Variants in RNF123 observed in about 807,000 individuals in gnomAD.
RNF123 encodes E3 ubiquitin-protein ligase RNF123.
Under a neutral mutation model 168.5 loss-of-function variants are expected in RNF123, and 86 were observed. The ratio of observed to expected loss-of-function variants is 0.51; its 90% CI spans 0.43 to 0.61. The LOEUF is 0.61. Among genes scored for constraint, RNF123 ranks in the 20% least tolerant of loss-of-function variants. RNF123 has a pLI of 0.00. For missense variants in RNF123, 1,419 were observed against 1,729.7 expected (o/e 0.82, Z 3.19); for synonymous variants, 666 against 689.1 (o/e 0.97, Z 0.52).
At position 49,714,016 on chromosome 3, in the gene RNF123, GA is replaced by G. The variant is rs1184181424; in HGVS notation, c.2925+21del. On this transcript the variant is annotated intron_variant, in intron 30 of 38. Transcript: ENST00000327697. ...CTGGAGGGTAAGCCTGACTCGAGGG[GA>G]AGTGGCTGAGGCTGGCTGGAGGGAG... 7 of 1,613,898 alleles carry G rather than the reference GA, an allele frequency of 4.3e-6. No homozygotes were observed. The highest frequency in any genetic ancestry group is 1.7e-5 in the Admixed American group (1 of 60,008).
At chr3:49,712,100 C>T (rs1467725642) in intron 26 of RNF123, among the ~76,000 whole-genome samples, 1 of 152,060 alleles carries the variant, frequency 6.6e-6, no homozygotes, top group Non-Finnish European at 1.5e-5. Context: ...TATCACATAC[C>T]TGTAGTCCCA....
rs1443968558 is a variant in RNF123 at position 49,702,615 on chromosome 3, C to T, written c.1630-18C>T. ...ACTGGACTGGCACCAATGCATGTTT[C>T]ATGCCTGGTGTCCACAGAACATGCC... is the stretch of plus-strand genomic sequence containing the variant. On this transcript the variant is annotated intron_variant, in intron 19 of 38. Transcript: ENST00000327697. The T allele has an allele frequency of 6.2e-7, 1 of 1,614,220 alleles. No homozygotes were observed. Among genetic ancestry groups the T allele is most frequent in the South Asian group, 1.1e-5 (1 of 91,082 alleles).
intron 35 of RNF123, chr3:49,718,992 C>G: frequency 1.2e-6 from 2 of 1,613,782 alleles, no homozygotes; most frequent in Non-Finnish European, 1.7e-6. Flanking sequence ...GATGGCTGAG[C>G]GCGCGCAGGC....
Position 49,705,852 on chromosome 3 carries a change from T to C in RNF123, c.2305-130T>C, listed in dbSNP as rs893056097. Reference sequence around the variant, plus strand: ...TGCTGCCTCAGTCTGACCTGCTGACTGTTGTGGGAATGGGACCGCCCTGGG... The same window carrying C: ...TGCTGCCTCAGTCTGACCTGCTGACCGTTGTGGGAATGGGACCGCCCTGGG... On this transcript the variant is annotated intron_variant, in intron 24 of 38. Coordinates refer to ENST00000327697, the MANE Select transcript of RNF123 (RefSeq NM_022064.5). 3.5e-6 allele frequency: 5 copies of C among 1,428,764 alleles called. No homozygotes were observed. The Admixed American group carries it at 9.0e-5, about 26-fold the overall frequency. The allele number at this position is 1,428,764 out of a possible 1,614,324, so 88.5% of individuals were successfully genotyped here.
intron 15 of RNF123, among the ~76,000 whole-genome samples, chr3:49,701,277 C>T (rs1487576110): frequency 1.3e-5 from 2 of 152,372 alleles, no homozygotes; most frequent in East Asian, 3.9e-4. Flanking sequence ...AAGCCCTTAT[C>T]GTGCACCTGC....
Position 49,697,871 on chromosome 3 carries a change from T to G in RNF123, c.343-14T>G, listed in dbSNP as rs749461694. The G allele has an allele frequency of 6.2e-6, 10 of 1,613,968 alleles. No individual in the cohort carries two copies. In the East Asian group the frequency reaches 6.7e-5, roughly 11 times the overall value. On this transcript the variant is annotated splice_polypyrimidine_tract_variant and intron_variant, in intron 5 of 38. Transcript: ENST00000327697. ...TGCCTGGGAGCTAGCCCACCACCCC[T>G]CTTCTTCACCCAGGTGATTGGACAC...
chr3:49,718,513 A>C, intron 35 of RNF123: 1 of 1,613,114 alleles, frequency 6.2e-7, no homozygotes, highest in Non-Finnish European at 8.5e-7. Flanking sequence ...CGCCCTGAGA[A>C]GCTCCTGCTG....
chr3:49,693,863 A>G (rs2054217063), intron 3 of RNF123, among the ~76,000 whole-genome samples: 1 of 152,176 alleles, frequency 6.6e-6, no homozygotes, highest in African/African-American at 2.4e-5. Context: ...GTGACGTTGA[A>G]TGCCTTTCCA....
intron 15 of RNF123, among the ~76,000 whole-genome samples, chr3:49,701,201 TG>T (rs2054374729): frequency 2.0e-5 from 3 of 152,182 alleles, no homozygotes; most frequent in Non-Finnish European, 4.4e-5. Flanking sequence ...AGGTCAGAGT[TG>T]GGGCCTGAGA....
chr3:49,706,001 A>C lies in RNF123; in HGVS notation c.2324A>C (p.Asp775Ala), dbSNP rs752801366. 1.2e-6 allele frequency: 2 copies of C among 1,611,492 alleles called. No individual in the cohort carries two copies. The highest frequency in any genetic ancestry group is 1.7e-6 in the Non-Finnish European group (2 of 1,179,050). The change falls in exon 25 of 39, where the codon GAT becomes GCT. Residue 775 changes from aspartate (D) to alanine (A), a missense_variant. Transcript: ENST00000327697. ...GTGTAGATGGTGGGTGTCTCCGATGATGTCAATGAATACGCTATGGCTCTG... is the reference window on the plus strand; with the variant it reads ...GTGTAGATGGTGGGTGTCTCCGATGCTGTCAATGAATACGCTATGGCTCTG... ...QLGKMVGVSD[D>A]VNEYAMALRD...
At chr3:49,704,839 C>G in intron 22 of RNF123, 83 bp downstream of exon 22, 1 of 1,417,396 alleles carries the variant, frequency 7.1e-7, no homozygotes, top group Non-Finnish European at 9.6e-7. Flanking sequence ...AGGGCCACTT[C>G]CCGCTCCATG....
intron 3 of RNF123, among the ~76,000 whole-genome samples, chr3:49,693,063 T>C (rs1353394014): frequency 6.6e-6 from 1 of 152,024 alleles, no homozygotes; most frequent in Non-Finnish European, 1.5e-5. Context: ...AAATTTTTTT[T>C]TTTGAGACGG....
intron 3 of RNF123, 40 bp downstream of exon 3, chr3:49,691,549 C>T: frequency 1.3e-6 from 2 of 1,539,336 alleles, no homozygotes; most frequent in Non-Finnish European, 1.8e-6. Context: ...TCTGCTGGGC[C>T]AGACCAGAAT....
intron 12 of RNF123, chr3:49,700,007 C>T (rs536813558): frequency 8.5e-6 from 6 of 702,172 alleles, no homozygotes; most frequent in South Asian, 7.5e-5. Flanking sequence ...TAATAACATC[C>T]CAGGCCAAGG....
At chr3:49,719,075 CGTCGAG>C (rs762853303) in intron 35 of RNF123, 1 of 1,613,812 alleles carries the variant, frequency 6.2e-7, no homozygotes, top group South Asian at 1.1e-5. Context: ...GCCCCCAGCC[CGTCGAG>C]GTCGTGGCGG....
intron 35 of RNF123, chr3:49,719,052 C>T (rs1030689247): frequency 3.1e-6 from 5 of 1,613,862 alleles, no homozygotes; most frequent in Non-Finnish European, 4.2e-6. Flanking sequence ...TGAACAGAAG[C>T]AGCTTCTCCA....
intron 35 of RNF123, chr3:49,719,624 C>A: frequency 3.1e-6 from 2 of 641,752 alleles, no homozygotes; most frequent in Non-Finnish European, 5.4e-6. Context: ...TCTCCGGTTC[C>A]CAGGTTGTGA....
At chr3:49,706,108 G>C (rs778810916) in intron 25 of RNF123, 43 bp downstream of exon 25, 5 of 1,551,250 alleles carry the variant, frequency 3.2e-6, no homozygotes, top group Admixed American at 1.7e-5. Context: ...TTGCTTACTC[G>C]TACAGGTAAC....
chr3:49,709,348 C>T lies in RNF123; in HGVS notation c.2496+2450C>T, dbSNP rs895188580. Among the ~76,000 whole-genome samples the T allele has an allele frequency of 9.4e-5, 14 of 149,206 alleles. No individual in the cohort carries two copies. In the South Asian group the frequency reaches 1.9e-3, roughly 20 times the overall value. On this transcript the variant is annotated intron_variant, in intron 26 of 38. Transcript: ENST00000327697. ...CAGAGTCTCACTCTTTCACCCAGGC[C>T]GGAGTGCAATGGCGCTATCTCAGCT...
Sources: gnomAD v4.1 joint callset for allele counts (sites outside exome capture counted in the v4.1 genomes callset) on GRCh38, gnomAD v4.1.1 for gene constraint, MANE v1.5 for transcripts, NCBI Gene and HGNC (gene_info 2026-07-23, HGNC 2026-07-21) for gene names.